GDA: variants seen among roughly 807,000 people sequenced by gnomAD.
GDA encodes the protein guanine deaminase.
GDA carries 18 observed loss-of-function variants against 59.6 expected under a neutral mutation model. The ratio of observed to expected loss-of-function variants is 0.30; its 90% CI spans 0.21 to 0.45. GDA has a LOEUF of 0.45. Ranked by LOEUF, GDA falls within the 20% of genes least tolerant of loss-of-function variation. GDA has a pLI of 1.00. For missense variants in GDA, 427 were observed against 552.3 expected (o/e 0.77, Z 2.27); for synonymous variants, 201 against 201.1 (o/e 1.00, Z 0.00).
intron 5 of GDA, among the ~76,000 whole-genome samples, chr9:72,218,876 A>G (rs548630435): frequency 1.3e-5 from 2 of 152,352 alleles, no homozygotes; most frequent in East Asian, 1.9e-4. Flanking sequence ...AGCTTGAGCT[A>G]GTAGAACAGC....
intron 10 of GDA, among the ~76,000 whole-genome samples, chr9:72,240,134 A>T (rs535767237): frequency 6.6e-6 from 1 of 152,124 alleles, no homozygotes; most frequent in Non-Finnish European, 1.5e-5. Context: ...ATGATTAGGG[A>T]CTTTATTTAA....
intron 1 of GDA, among the ~76,000 whole-genome samples, chr9:72,167,178 C>G (rs1829418120): frequency 6.6e-6 from 1 of 152,114 alleles, no homozygotes; most frequent in Admixed American, 6.6e-5. Flanking sequence ...TATCAAAGAA[C>G]TGAAACTAAC....
At position 72,221,581 on chromosome 9, in the gene GDA, G is replaced by T. The variant is rs1000101191; in HGVS notation, c.607-1539G>T. ...TTTTTGAAAAAACTTTTAAGTTCAG[G>T]GGTACATATGCAGGTTTGTTTACAC... is the stretch of plus-strand genomic sequence containing the variant. On this transcript the variant is annotated intron_variant, in intron 6 of 13. Coordinates refer to ENST00000358399, the MANE Select transcript of GDA (RefSeq NM_004293.5). 5.9e-5 allele frequency among the ~76,000 whole-genome samples: 9 copies of T among 152,160 alleles called. No homozygotes were observed. The East Asian group carries it at 7.7e-4, about 13-fold the overall frequency.
chr9:72,211,303 A>G (rs1835331448), intron 4 of GDA, among the ~76,000 whole-genome samples: 1 of 152,234 alleles, frequency 6.6e-6, no homozygotes, highest in Non-Finnish European at 1.5e-5. Context: ...AGCATTGTGC[A>G]AAGCACTCTG....
chr9:72,215,955 G>A (rs1836056880), intron 5 of GDA, among the ~76,000 whole-genome samples: 2 of 152,146 alleles, frequency 1.3e-5, no homozygotes, highest in Admixed American at 1.3e-4. Context: ...TCAATCCCAG[G>A]GGAGGACTCT....
intron 2 of GDA, among the ~76,000 whole-genome samples, chr9:72,200,741 C>T (rs531237866): frequency 6.6e-6 from 1 of 152,298 alleles, no homozygotes; most frequent in African/African-American, 2.4e-5. Flanking sequence ...ATCCATATTC[C>T]ACCCTCCCTT....
intron 1 of GDA, among the ~76,000 whole-genome samples, chr9:72,157,478 T>G (rs886715989): frequency 2.0e-5 from 3 of 152,228 alleles, no homozygotes; most frequent in African/African-American, 7.2e-5. Flanking sequence ...CAAGAATAAC[T>G]ACCTTCTCCT....
chr9:72,174,456 T>C (rs1030731270), intron 1 of GDA, among the ~76,000 whole-genome samples: 10 of 152,264 alleles, frequency 6.6e-5, no homozygotes, highest in African/African-American at 2.2e-4. Context: ...ACTTTATGGA[T>C]GAGATAACAG....
intron 1 of GDA, among the ~76,000 whole-genome samples, chr9:72,133,166 T>G (rs1308113201): frequency 6.6e-6 from 1 of 151,462 alleles, no homozygotes; most frequent in Non-Finnish European, 1.5e-5. Flanking sequence ...AGTGCATGCC[T>G]GTAGTCCCAG....
At chr9:72,194,907 C>A (rs1832966026) in intron 1 of GDA, among the ~76,000 whole-genome samples, 1 of 152,180 alleles carries the variant, frequency 6.6e-6, no homozygotes, top group Non-Finnish European at 1.5e-5. Flanking sequence ...TCTGCTATAA[C>A]AGAACAGCAC....
At chr9:72,145,995 A>G (rs960117394), upstream of GDA, among the ~76,000 whole-genome samples, 2 of 152,208 alleles carry the variant, frequency 1.3e-5, no homozygotes, top group Non-Finnish European at 2.9e-5. Flanking sequence ...AGAAAGAAAG[A>G]GGACATGGTC....
intron 1 of GDA, among the ~76,000 whole-genome samples, chr9:72,135,507 C>G (rs1392868120): frequency 6.6e-6 from 1 of 152,068 alleles, no homozygotes; most frequent in Admixed American, 6.6e-5. Context: ...ATTCCAAATC[C>G]CAGGCTCTTA....
chr9:72,174,761 T>G (rs7041441), intron 1 of GDA, among the ~76,000 whole-genome samples: 59,336 of 145,282 alleles, frequency 0.41, 11,950 homozygotes, highest in East Asian at 0.55. Flanking sequence ...TATATATATA[T>G]AGAGAGAGAG....
chr9:72,222,716 T>G (rs915659578), intron 6 of GDA, among the ~76,000 whole-genome samples: 2 of 152,056 alleles, frequency 1.3e-5, no homozygotes, highest in Non-Finnish European at 2.9e-5. Flanking sequence ...GGTTTTTTGT[T>G]TTTTTTTGAG....
intron 1 of GDA, among the ~76,000 whole-genome samples, chr9:72,181,268 G>A (rs946917455): frequency 6.6e-6 from 1 of 152,016 alleles, no homozygotes; most frequent in African/African-American, 2.4e-5. Flanking sequence ...CTCAATATCC[G>A]TTCCCTTCCC....
chr9:72,157,240 C>G (rs1347977573), intron 1 of GDA, among the ~76,000 whole-genome samples: 2 of 151,998 alleles, frequency 1.3e-5, no homozygotes, highest in African/African-American at 4.8e-5. Context: ...GGGGTTTCGC[C>G]ATGTTGGGCA....
intron 2 of GDA, among the ~76,000 whole-genome samples, chr9:72,202,070 T>C (rs1410705300): frequency 6.6e-6 from 1 of 152,226 alleles, no homozygotes; most frequent in African/African-American, 2.4e-5. Flanking sequence ...ACTAGGTTTC[T>C]TGTAGTCAGA....
rs138343207 is a variant in GDA at position 72,241,166 on chromosome 9, T to C, written c.1003T>C (p.Tyr335His). 63 of 1,599,300 alleles carry C rather than the reference T, an allele frequency of 3.9e-5. 1 individual carries two copies. The highest frequency in any genetic ancestry group is 4.9e-5 in the Non-Finnish European group (57 of 1,168,704). Residue 335 changes from tyrosine (Y) to histidine (H), a missense_variant, in exon 11 of 14, where the codon TAT becomes CAT. Transcript: ENST00000358399. Reference sequence around the variant, plus strand: ...ACCTACTGCAGACGTGGCTGGTGGCTATTCATATTCCATGCTTGATGCAAT... The same window carrying C: ...ACCTACTGCAGACGTGGCTGGTGGCCATTCATATTCCATGCTTGATGCAAT... Reference protein sequence around the residue: ...IGLGTDVAGGYSYSMLDAIRR... With the variant: ...IGLGTDVAGGHSYSMLDAIRR...
intron 1 of GDA, among the ~76,000 whole-genome samples, chr9:72,115,878 A>G (rs1470717084): frequency 6.6e-6 from 1 of 152,236 alleles, no homozygotes; most frequent in Non-Finnish European, 1.5e-5. Context: ...TCTTCCACAG[A>G]TGAGAGCAAT....
Sources: gnomAD v4.1 joint callset for allele counts (sites outside exome capture counted in the v4.1 genomes callset) on GRCh38, gnomAD v4.1.1 for gene constraint, MANE v1.5 for transcripts, NCBI Gene and HGNC (gene_info 2026-07-23, HGNC 2026-07-21) for gene names.